ANKRD30B: variants seen among roughly 807,000 people sequenced by gnomAD.
ANKRD30B encodes the protein ankyrin repeat domain 30B.
In ANKRD30B, 144 loss-of-function variants were observed where a neutral mutation model predicts 202.2. That is an observed-to-expected ratio of 0.71 (90% CI 0.62 to 0.82). ANKRD30B has a LOEUF of 0.82. ANKRD30B is among the 40% of genes least tolerant of loss of function. The pLI, the probability that ANKRD30B is intolerant of heterozygous loss-of-function variation, is 0.00. For missense variants in ANKRD30B, 1,487 were observed against 1,669.1 expected, an observed-to-expected ratio of 0.89 and a Z score of 1.90; for synonymous variants, 508 against 561.3, an observed-to-expected ratio of 0.91 and a Z score of 1.34.
chr18:14,911,956 A>G, the ANKRD30B span, among the ~76,000 whole-genome samples: 2 of 152,182 alleles, frequency 1.3e-5, no homozygotes, highest in Non-Finnish European at 2.9e-5. Context: ...TTACTGAATT[A>G]TGTACATTAA....
chr18:14,896,589 AC>A, the ANKRD30B span, among the ~76,000 whole-genome samples: 1 of 148,362 alleles, frequency 6.7e-6, no homozygotes, highest in Non-Finnish European at 1.5e-5. Flanking sequence ...AATATATAGA[AC>A]ATATGGGATT....
chr18:14,797,565 G>A (rs1336907404), intron 18 of ANKRD30B, 96 bp from the exon 19 acceptor site: 2 of 1,351,128 alleles, frequency 1.5e-6, no homozygotes, highest in Non-Finnish European at 2.1e-6. Flanking sequence ...TCCAATCCAA[G>A]CATGAGGATT....
intron 36 of ANKRD30B, among the ~76,000 whole-genome samples, chr18:14,839,333 T>C (rs1598706491): frequency 1.3e-5 from 2 of 152,290 alleles, no homozygotes; most frequent in East Asian, 3.9e-4. Context: ...TTTCTGCAAC[T>C]GCCATTTAAT....
chr18:14,878,484 G>C, the ANKRD30B span, among the ~76,000 whole-genome samples: 1 of 151,994 alleles, frequency 6.6e-6, no homozygotes, highest in East Asian at 1.9e-4. Flanking sequence ...TCTGGGGACA[G>C]TGAAAAGCCC....
At chr18:14,842,732 G>A (rs1009453136) in intron 37 of ANKRD30B, among the ~76,000 whole-genome samples, 165 bp from the exon 38 acceptor site, 9 of 152,138 alleles carry the variant, frequency 5.9e-5, no homozygotes, top group African/African-American at 2.2e-4. Flanking sequence ...GTGTATTTCT[G>A]TCATGTGATT....
At chr18:14,780,588 A>G (rs1411628205) in intron 11 of ANKRD30B, among the ~76,000 whole-genome samples, 2 of 78,284 alleles carry the variant, frequency 2.6e-5, no homozygotes, top group African/African-American at 4.4e-5. Flanking sequence ...GTAATTCACA[A>G]GTTCTGAGGT....
intron 30 of ANKRD30B, among the ~76,000 whole-genome samples, chr18:14,821,341 G>A (rs9748928): frequency 0.51 from 77,476 of 151,728 alleles, 19,943 homozygotes; most frequent in Non-Finnish European, 0.53. Context: ...TTTTTTGAAC[G>A]GTTTTTTGTG....
In ANKRD30B at chr18:14,798,732, C is replaced by T. The variant is rs567808233; in HGVS notation, c.2030-369C>T. On this transcript the variant is annotated intron_variant, in intron 20 of 43. Transcript: ENST00000690538. ...AACATATGCCTTTCTGGGATAGGAACCTTGGTGATGTGAAACCTCCCTGAC... is the reference window on the plus strand; with the variant it reads ...AACATATGCCTTTCTGGGATAGGAATCTTGGTGATGTGAAACCTCCCTGAC... 7.0e-4 allele frequency among the ~76,000 whole-genome samples: 106 copies of T among 152,114 alleles called. 3 individuals carry two copies. The highest frequency in any genetic ancestry group is 1.3e-3 in the Non-Finnish European group (87 of 68,028).
chr18:14,875,227 C>G, the ANKRD30B span, among the ~76,000 whole-genome samples: 1 of 152,180 alleles, frequency 6.6e-6, no homozygotes, highest in South Asian at 2.1e-4. Context: ...TTTGTGTCCT[C>G]TGGAGCAAGG....
chr18:14,758,981 G>C lies in ANKRD30B; in HGVS notation c.755+1029G>C, dbSNP rs1265438898. ...TTGTAGTGGGTTCCAACTTGTGGTT[G>C]TTCCCTCAAGTGATTCCCTTTTCCT... On this transcript the variant is annotated intron_variant, in intron 5 of 43. Coordinates refer to ENST00000690538, the MANE Select transcript of ANKRD30B (RefSeq NM_001367607.2). Among the ~76,000 whole-genome samples, 7 of 152,148 alleles carry C rather than the reference G, an allele frequency of 4.6e-5. 1 individual carries two copies. In the South Asian group the frequency reaches 8.3e-4, roughly 18 times the overall value.
intron 16 of ANKRD30B, among the ~76,000 whole-genome samples, chr18:14,795,855 T>A (rs1968843296): frequency 2.1e-5 from 3 of 142,554 alleles, no homozygotes; most frequent in Admixed American, 2.1e-4. Context: ...TAGGACTTAT[T>A]TTTTTTTTTT....
At chr18:14,791,070 C>G (rs947624373) in intron 15 of ANKRD30B, among the ~76,000 whole-genome samples, 1 of 152,140 alleles carries the variant, frequency 6.6e-6, no homozygotes, top group Non-Finnish European at 1.5e-5. Flanking sequence ...AATTTCAGAT[C>G]CTGTTATTCG....
intron 11 of ANKRD30B, among the ~76,000 whole-genome samples, chr18:14,780,708 A>G (rs1967673136): frequency 6.6e-6 from 1 of 152,278 alleles, no homozygotes; most frequent in African/African-American, 2.4e-5. Context: ...ATAGAAAAAC[A>G]GTTTAAGCTG....
At chr18:14,910,692 G>C in the ANKRD30B span, among the ~76,000 whole-genome samples, 1 of 151,984 alleles carries the variant, frequency 6.6e-6, no homozygotes, top group Non-Finnish European at 1.5e-5. Flanking sequence ...AGTTATTTGA[G>C]AAATCTCCAT....
chr18:14,940,969 C>T, the ANKRD30B span, among the ~76,000 whole-genome samples: 5 of 152,118 alleles, frequency 3.3e-5, 1 homozygote, highest in South Asian at 8.3e-4. Context: ...AAATAGAGCT[C>T]CCCACAGCAC....
chr18:14,921,193 G>T, the ANKRD30B span, among the ~76,000 whole-genome samples: 7 of 72,756 alleles, frequency 9.6e-5, no homozygotes. Flanking sequence ...GTGGTGGGTG[G>T]AGAGGGCAGG....
chr18:14,799,807 A>G (rs1360177260), intron 22 of ANKRD30B, among the ~76,000 whole-genome samples: 4 of 152,042 alleles, frequency 2.6e-5, no homozygotes, highest in Admixed American at 2.6e-4. Flanking sequence ...TCTTTGCTAG[A>G]TACACTGTTT....
Position 14,848,742 on chromosome 18 carries a change from G to C in ANKRD30B, c.3208G>C (p.Asp1070His). ...ADSTTLSKIL[D>H]ALPSCERGRE... The stretch of plus-strand genomic sequence containing the variant: ...TTCAACTACCCTATCAAAAATCTTG[G>C]ATGCACTTCCTTCTTGTGAAAGAGG... The change falls in exon 40 of 44, where the codon GAT becomes CAT. Residue 1070 changes from aspartate (D) to histidine (H), a missense_variant. Physicochemically the swap from Asp to His is moderately conservative, Grantham distance 81. This residue lies in a region of ANKRD30B where 177 missense variants were observed against 216.4 expected (regional missense o/e 0.82). Transcript: ENST00000690538. 1.3e-6 allele frequency: 2 copies of C among 1,554,198 alleles called. No homozygotes were observed. Among genetic ancestry groups the C allele is most frequent in the Non-Finnish European group, 1.7e-6 (2 of 1,150,744 alleles).
the ANKRD30B span, among the ~76,000 whole-genome samples, chr18:14,860,032 A>T: frequency 8.6e-5 from 8 of 93,562 alleles, no homozygotes; most frequent in East Asian, 3.7e-4. Flanking sequence ...CGCTCCTCAC[A>T]ACCCAGACAG....
Sources: allele counts gnomAD v4.1 joint callset (sites outside exome capture counted in the v4.1 genomes callset), GRCh38; gene constraint gnomAD v4.1.1; regional missense constraint gnomAD v4.1.1; transcripts MANE v1.5; gene names NCBI Gene and HGNC (gene_info 2026-07-23, HGNC 2026-07-21).